SYNJ2: variants seen among roughly 807,000 people sequenced by gnomAD.
SYNJ2 encodes the protein synaptojanin 2.
In SYNJ2, 116 loss-of-function variants were observed where a neutral mutation model predicts 141.3. The observed-to-expected ratio is 0.82, with a 90% CI of 0.71 to 0.96. The LOEUF (loss-of-function observed/expected upper bound fraction) is 0.96. Among genes scored for constraint, SYNJ2 ranks in the 40% least tolerant of loss-of-function variants. The probability of loss-of-function intolerance (pLI) is 0.00; values close to 1 mark genes in which losing one functional copy is unlikely to be tolerated. For missense variants in SYNJ2, 1,873 were observed against 1,934.8 expected (o/e 0.97, Z 0.60); for synonymous variants, 745 against 777.7 (o/e 0.96, Z 0.70).
In SYNJ2 at chr6:158,078,236, C is replaced by A; in HGVS notation, c.2522C>A (p.Ala841Asp). 6.2e-7 allele frequency: 1 copy of A among 1,613,920 alleles called. No homozygotes were observed. The highest frequency in any genetic ancestry group is 8.5e-7 in the Non-Finnish European group (1 of 1,179,842). ...TKVRHTWSPG[A>D]LQYYGRAELQ... ...GTCAGACACACCTGGTCTCCTGGTG[C>A]CCTGCAGTATTATGGTCGTGCGGAG... The change falls in exon 18 of 27, where the codon GCC (alanine) becomes GAC (aspartate). Residue 841 changes from alanine (A) to aspartate (D), a missense_variant. By Grantham distance (126) the Ala-to-Asp change is moderately radical. Coordinates refer to ENST00000355585, the MANE Select transcript of SYNJ2 (RefSeq NM_003898.4).
chr6:158,017,468 G>A, intron 2 of SYNJ2, 178 bp downstream of exon 2: 2 of 866,600 alleles, frequency 2.3e-6, no homozygotes, highest in Non-Finnish European at 3.3e-6. Flanking sequence ...AGGCTGCAGT[G>A]CAATGGCGCG....
chr6:158,038,080 C>G (rs1779736050), intron 4 of SYNJ2, among the ~76,000 whole-genome samples: 2 of 152,240 alleles, frequency 1.3e-5, no homozygotes, highest in Admixed American at 6.5e-5. Flanking sequence ...CCTCGGGCAG[C>G]CTGGCAAGGC....
chr6:158,031,377 C>T (rs11965566), intron 3 of SYNJ2, among the ~76,000 whole-genome samples: 3,638 of 152,240 alleles, frequency 0.024, 144 homozygotes, highest in African/African-American at 0.083. Context: ...ACTAACAAAG[C>T]GAGGCAAAGG....
At position 158,064,961 on chromosome 6, in the gene SYNJ2, G is replaced by A. The variant is rs780327238; in HGVS notation, c.1495G>A (p.Gly499Ser). The A allele has an allele frequency of 6.2e-7, 1 of 1,607,912 alleles. No homozygotes were observed. Among genetic ancestry groups the A allele is most frequent in the South Asian group, 1.1e-5 (1 of 90,214 alleles). The change falls in exon 11 of 27, where the codon GGC becomes AGC. Residue 499 changes from glycine (G) to serine (S), a missense_variant. Coordinates refer to ENST00000355585, the MANE Select transcript of SYNJ2 (RefSeq NM_003898.4). ...CGGCGAGGAGGTGGCAGACAAAGGG[G>A]GCATGCTGCTGGACAGCACGGCGCT... ...VYGEEVADKG[G>S]MLLDSTALLV...
At chr6:158,015,713 G>T (rs1335205559) in intron 1 of SYNJ2, among the ~76,000 whole-genome samples, 1 of 152,142 alleles carries the variant, frequency 6.6e-6, no homozygotes, top group Non-Finnish European at 1.5e-5. Context: ...GTGGTTAATA[G>T]ACCCCACTGG....
In SYNJ2 at chr6:158,041,068, A is replaced by T. The variant is rs191238236; in HGVS notation, c.712-2248A>T. 4.8e-3 allele frequency among the ~76,000 whole-genome samples: 724 copies of T among 152,218 alleles called. 4 individuals are homozygous for T. Among genetic ancestry groups the T allele is most frequent in the African/African-American group, 0.016 (672 of 41,524 alleles). ...TTTTGAGTGGCTACTCTGTGCTGGG[A>T]CTATGCCCCCCTCATTTACCCCTCA... On this transcript the variant is annotated intron_variant, in intron 4 of 26. Coordinates refer to ENST00000355585, the MANE Select transcript of SYNJ2 (RefSeq NM_003898.4).
chr6:158,010,073 T>C (rs1223663656), intron 1 of SYNJ2, among the ~76,000 whole-genome samples: 2 of 152,218 alleles, frequency 1.3e-5, no homozygotes, highest in African/African-American at 4.8e-5. Flanking sequence ...CCCACCACCA[T>C]GCCTGGTTAC....
At chr6:158,072,675 ATTTC>A (rs1333388121) in intron 15 of SYNJ2, among the ~76,000 whole-genome samples, 2 of 151,478 alleles carry the variant, frequency 1.3e-5, no homozygotes, top group Admixed American at 1.3e-4. Flanking sequence ...GGTGTTGTTT[ATTTC>A]TTATGTTAAA....
intron 6 of SYNJ2, among the ~76,000 whole-genome samples, chr6:158,058,142 A>G (rs1780982860): frequency 6.6e-6 from 1 of 152,250 alleles, no homozygotes. Context: ...GAAATTTGGA[A>G]AAGAGAAAGA....
Position 157,989,417 on chromosome 6 carries a change from T to TA in SYNJ2, c.127+7336dup, listed in dbSNP as rs202214089. On this transcript the variant is annotated intron_variant, in intron 1 of 26. Coordinates refer to ENST00000355585, the MANE Select transcript of SYNJ2 (RefSeq NM_003898.4). ...TGTTCAGTAAAATCTCATTCTTATG[T>TA]AAAAAAATGAATATATATATATATA... 5.5e-3 allele frequency among the ~76,000 whole-genome samples: 647 copies of TA among 116,780 alleles called. 9 individuals carry two copies. The highest frequency in any genetic ancestry group is 0.017 in the African/African-American group (583 of 33,612). 76.6% of individuals were successfully genotyped at this position (116,780 alleles called of 152,430 possible).
At chr6:158,057,957 A>T (rs774087100) in intron 6 of SYNJ2, among the ~76,000 whole-genome samples, 4 of 152,222 alleles carry the variant, frequency 2.6e-5, no homozygotes, top group Non-Finnish European at 4.4e-5. Flanking sequence ...TAGGCCAGGG[A>T]GTCAGCAGGC....
chr6:157,992,811 A>G (rs1357495504), intron 1 of SYNJ2, among the ~76,000 whole-genome samples: 1 of 152,188 alleles, frequency 6.6e-6, no homozygotes, highest in Non-Finnish European at 1.5e-5. Context: ...TCCACTGTGT[A>G]TATGTACCAC....
At chr6:158,023,264 T>TAAA (rs112882268) in intron 2 of SYNJ2, among the ~76,000 whole-genome samples, 4,903 of 125,268 alleles carry the variant, frequency 0.039, 303 homozygotes, top group African/African-American at 0.14. Flanking sequence ...TCTCTAAATT[T>TAAA]AAAAAAAAAA....
chr6:158,017,465 A>G, intron 2 of SYNJ2, 175 bp downstream of exon 2: 6 of 895,938 alleles, frequency 6.7e-6, no homozygotes, highest in Non-Finnish European at 9.4e-6. Context: ...CCCAGGCTGC[A>G]GTGCAATGGC....
chr6:158,022,950 C>T (rs907767081), intron 2 of SYNJ2, among the ~76,000 whole-genome samples: 3 of 152,188 alleles, frequency 2.0e-5, no homozygotes, highest in African/African-American at 7.2e-5. Flanking sequence ...GGACACTTTC[C>T]TTAAAACCCA....
rs751346254 is a variant in SYNJ2 at position 158,071,638 on chromosome 6, G to A, written c.1977G>A (p.Gly659=). Reference sequence around the variant, plus strand: ...TCGACACAGTGAAGACGGGCATGGGGGGCAAGGCGGGGAACAAGGGCGCCG... The same window carrying A: ...TCGACACAGTGAAGACGGGCATGGGAGGCAAGGCGGGGAACAAGGGCGCCG... The part of the protein sequence containing the change: ...VAIDTVKTGM[G]GKAGNKGAVG... Residue 659 remains glycine (G), a synonymous_variant, in exon 15 of 27, where the codon GGG becomes GGA. Coordinates refer to ENST00000355585, the MANE Select transcript of SYNJ2 (RefSeq NM_003898.4). This position sits in a 1 kb window ranked among gnomAD's most constrained non-coding sequence, Gnocchi z 4.3. 2 of 1,614,090 alleles carry A rather than the reference G, an allele frequency of 1.2e-6. No individual in the cohort carries two copies. Among genetic ancestry groups the A allele is most frequent in the East Asian group, 2.2e-5 (1 of 44,878 alleles).
At chr6:158,032,168 G>A (rs1055417140) in intron 3 of SYNJ2, among the ~76,000 whole-genome samples, 1 of 152,120 alleles carries the variant, frequency 6.6e-6, no homozygotes, top group African/African-American at 2.4e-5. Flanking sequence ...GACCTCAGAC[G>A]GGGTCAGACG....
intron 5 of SYNJ2, among the ~76,000 whole-genome samples, chr6:158,051,165 C>G (rs1414797546): frequency 1.3e-5 from 2 of 152,172 alleles, no homozygotes; most frequent in African/African-American, 4.8e-5. Flanking sequence ...GAGCCAGGCT[C>G]CTCAGCCCTG....
upstream of SYNJ2, chr6:157,981,778 A>T: frequency 2.2e-6 from 1 of 457,594 alleles, no homozygotes; most frequent in Non-Finnish European, 3.4e-6. The surrounding 1 kb of genome is among the most constrained non-coding windows in gnomAD (Gnocchi z 6.4). Flanking sequence ...CACCTGCCCC[A>T]GGCTGGGGAG....
Sources: allele counts gnomAD v4.1 joint callset (sites outside exome capture counted in the v4.1 genomes callset), GRCh38; gene constraint gnomAD v4.1.1; non-coding constraint Gnocchi (gnomAD v3.1); transcripts MANE v1.5; gene names NCBI Gene and HGNC (gene_info 2026-07-23, HGNC 2026-07-21).